GALNT10: variants seen among roughly 807,000 people sequenced by gnomAD.
GALNT10 encodes the protein GalNAc transferase 10.
A neutral mutation model predicts 75.0 loss-of-function variants in GALNT10; 41 were observed. That is an observed-to-expected ratio of 0.55 (90% CI 0.43 to 0.71). GALNT10 has a LOEUF of 0.71. Ranked by LOEUF, GALNT10 falls within the 30% of genes least tolerant of loss-of-function variation. GALNT10 has a pLI of 0.00. For missense variants in GALNT10, 727 were observed against 818.5 expected (o/e 0.89, Z 1.36); for synonymous variants, 302 against 313.0 (o/e 0.96, Z 0.37).
chr5:154,410,537 C>G (rs552733866), intron 9 of GALNT10, among the ~76,000 whole-genome samples: 25 of 152,294 alleles, frequency 1.6e-4, no homozygotes, highest in African/African-American at 5.5e-4. Flanking sequence ...GGTGACAGAG[C>G]AAGACCCTGC....
At chr5:154,394,672 G>A (rs1273342003) in intron 7 of GALNT10, among the ~76,000 whole-genome samples, 1 of 152,204 alleles carries the variant, frequency 6.6e-6, no homozygotes, top group African/African-American at 2.4e-5. Context: ...TGCCACACAG[G>A]AGGGAGAAAT....
chr5:154,303,464 G>A (rs571354126), intron 3 of GALNT10, among the ~76,000 whole-genome samples: 6 of 152,192 alleles, frequency 3.9e-5, no homozygotes, highest in Non-Finnish European at 8.8e-5. Context: ...AGCACCTGCC[G>A]TGAGGAAGCT....
intron 4 of GALNT10, among the ~76,000 whole-genome samples, chr5:154,365,573 C>A (rs974897242): frequency 1.3e-5 from 2 of 152,068 alleles, no homozygotes; most frequent in African/African-American, 4.8e-5. Context: ...CCACGTGCAC[C>A]AAACCATCAT....
chr5:154,380,715 C>A, intron 6 of GALNT10, 84 bp downstream of exon 6: 1 of 899,918 alleles, frequency 1.1e-6, no homozygotes, highest in African/African-American at 1.7e-5. Flanking sequence ...CGCCATCTCC[C>A]TTAAAAGCCC....
At chr5:154,335,053 T>G (rs1754923432) in intron 4 of GALNT10, among the ~76,000 whole-genome samples, 1 of 152,234 alleles carries the variant, frequency 6.6e-6, no homozygotes, top group African/African-American at 2.4e-5. Context: ...TCTTGTCTTC[T>G]CTCCAGCAGC....
Position 154,294,889 on chromosome 5 carries a change from A to G in GALNT10, c.233A>G (p.Glu78Gly). Residue 78 changes from glutamate (E) to glycine (G), a missense_variant, in exon 2 of 12, where the codon GAG (glutamate) becomes GGG (glycine). Physicochemically the swap from Glu to Gly is moderately conservative, Grantham distance 98. Coordinates refer to ENST00000297107, the MANE Select transcript of GALNT10 (RefSeq NM_198321.4). ...AAGCTGAAGGACTGGCATGACAAGG[A>G]GGCCATCCGGAGGGACGCTCAGCGC... is the stretch of plus-strand genomic sequence containing the variant. Reference protein sequence around the residue: ...GQKLKDWHDKEAIRRDAQRVG... With the variant: ...GQKLKDWHDKGAIRRDAQRVG... 6.3e-7 allele frequency: 1 copy of G among 1,599,322 alleles called. No homozygotes were observed. Among genetic ancestry groups the G allele is most frequent in the Non-Finnish European group, 8.6e-7 (1 of 1,166,460 alleles).
intron 4 of GALNT10, among the ~76,000 whole-genome samples, chr5:154,373,608 T>C (rs771442733): frequency 2.0e-5 from 3 of 152,158 alleles, no homozygotes; most frequent in Non-Finnish European, 2.9e-5. Flanking sequence ...GCTCTATAAT[T>C]GTTCCCTATA....
At chr5:154,330,602 G>A (rs1322379863) in intron 4 of GALNT10, among the ~76,000 whole-genome samples, 2 of 152,126 alleles carry the variant, frequency 1.3e-5, no homozygotes, top group South Asian at 4.2e-4. Flanking sequence ...ACTCAGTCTC[G>A]GGTTTAAGAG....
chr5:154,393,326 G>A (rs917516707), intron 7 of GALNT10, among the ~76,000 whole-genome samples: 16 of 151,974 alleles, frequency 1.1e-4, no homozygotes, highest in Admixed American at 7.2e-4. Flanking sequence ...TTCCTGCCTC[G>A]GGCTCCCAAC....
At chr5:154,202,441 A>T (rs979698600) in intron 1 of GALNT10, among the ~76,000 whole-genome samples, 3 of 152,186 alleles carry the variant, frequency 2.0e-5, no homozygotes, top group African/African-American at 7.2e-5. Flanking sequence ...ACTGCGTGCT[A>T]TGCACTGTGC....
At chr5:154,235,796 C>G (rs774019572) in intron 1 of GALNT10, among the ~76,000 whole-genome samples, 3 of 152,118 alleles carry the variant, frequency 2.0e-5, no homozygotes, top group Non-Finnish European at 4.4e-5. Context: ...TTGGGGTTTT[C>G]AAAGAGCTGT....
At chr5:154,310,761 C>T (rs150401933) in intron 3 of GALNT10, among the ~76,000 whole-genome samples, 219 of 152,278 alleles carry the variant, frequency 1.4e-3, no homozygotes, top group Non-Finnish European at 2.2e-3. Flanking sequence ...CGTGAGCCAC[C>T]GTGCCTGGCC....
intron 1 of GALNT10, among the ~76,000 whole-genome samples, chr5:154,248,018 T>C (rs1427267209): frequency 6.6e-6 from 1 of 152,252 alleles, no homozygotes; most frequent in African/African-American, 2.4e-5. Flanking sequence ...GTTTTTAGCA[T>C]GAAGGGCTGT....
At chr5:154,344,736 A>G (rs964961769) in intron 4 of GALNT10, among the ~76,000 whole-genome samples, 1 of 152,202 alleles carries the variant, frequency 6.6e-6, no homozygotes. Flanking sequence ...CTGATATTAG[A>G]AAGCCGAGTT....
At chr5:154,408,106 G>C (rs1756320020) in intron 8 of GALNT10, among the ~76,000 whole-genome samples, 1 of 152,184 alleles carries the variant, frequency 6.6e-6, no homozygotes, top group Non-Finnish European at 1.5e-5. Context: ...AGTTTTACTG[G>C]AACCCAGCCA....
intron 4 of GALNT10, among the ~76,000 whole-genome samples, chr5:154,368,513 T>C (rs1263013658): frequency 6.6e-6 from 1 of 152,206 alleles, no homozygotes; most frequent in Non-Finnish European, 1.5e-5. Flanking sequence ...TCCAAGCTGC[T>C]CATCAAAAGT....
At chr5:154,201,876 C>T (rs1043749108) in intron 1 of GALNT10, among the ~76,000 whole-genome samples, 3 of 151,816 alleles carry the variant, frequency 2.0e-5, no homozygotes, top group African/African-American at 7.3e-5. Context: ...TTGCAGTGAG[C>T]TGAGATCGCA....
chr5:154,280,056 A>G (rs1754015841), intron 1 of GALNT10, among the ~76,000 whole-genome samples: 1 of 152,242 alleles, frequency 6.6e-6, no homozygotes, highest in African/African-American at 2.4e-5. Context: ...GTATATATAC[A>G]AAATAGAATA....
Position 154,386,449 on chromosome 5 carries a change from C to T in GALNT10, c.1056+19C>T, listed in dbSNP as rs749095346. ...CTTCAAGGTGAGCCAGCTCTCCAGA[C>T]GCCCCGTTCTTGGCACAGCCTCCTG... On this transcript the variant is annotated intron_variant, in intron 7 of 11. Coordinates refer to ENST00000297107, the MANE Select transcript of GALNT10 (RefSeq NM_198321.4). 27 of 1,473,428 alleles carry T rather than the reference C, an allele frequency of 1.8e-5. No individual in the cohort carries two copies. The highest frequency in any genetic ancestry group is 1.7e-4 in the Middle Eastern group (1 of 5,794). The allele number at this position is 1,473,428 out of a possible 1,614,324, so 91.3% of individuals were successfully genotyped here. A position where few individuals can be genotyped will look rare whatever the true frequency, so the allele number is the denominator to read the frequency against.
Sources: allele counts gnomAD v4.1 joint callset (sites outside exome capture counted in the v4.1 genomes callset), GRCh38; gene constraint gnomAD v4.1.1; transcripts MANE v1.5; gene names NCBI Gene and HGNC (gene_info 2026-07-23, HGNC 2026-07-21).